CDH13: variants seen among roughly 807,000 people sequenced by gnomAD.
CDH13 encodes cadherin 13.
CDH13 carries 24 observed loss-of-function variants against 63.8 expected under a neutral mutation model. The ratio of observed to expected loss-of-function variants is 0.38; its 90% confidence interval spans 0.27 to 0.53. The LOEUF is 0.53. CDH13 is among the 20% of genes least tolerant of loss of function. The probability of loss-of-function intolerance (pLI) is 0.85; values close to 1 mark genes in which losing one functional copy is unlikely to be tolerated. For synonymous variants in CDH13, 503 were observed against 355.3 expected, an observed-to-expected ratio of 1.42 and a Z score of -4.67; for missense variants, 1,049 against 903.1, an observed-to-expected ratio of 1.16 and a Z score of -2.07.
intron 2 of CDH13, chr16:82,925,873 G>A (rs1423711209): frequency 6.6e-6 from 1 of 151,834 alleles, no homozygotes; most frequent in African/African-American, 2.4e-5. Flanking sequence ...TCTCCATGGA[G>A]TCCATCTGTT....
chr16:83,614,631 T>C (rs1188612129), intron 8 of CDH13, among the ~76,000 whole-genome samples: 1 of 152,166 alleles, frequency 6.6e-6, no homozygotes. Context: ...AGTGGGGGGT[T>C]TTATATTAAA....
intron 1 of CDH13, among the ~76,000 whole-genome samples, chr16:82,657,695 AATTGT>A (rs1029251558): frequency 2.4e-4 from 36 of 152,234 alleles, no homozygotes; most frequent in African/African-American, 6.5e-4. Context: ...GGGTAATGTA[AATTGT>A]ATTGTGTTTT....
At chr16:82,871,277 G>C (rs2040334163) in intron 2 of CDH13, among the ~76,000 whole-genome samples, 1 of 152,176 alleles carries the variant, frequency 6.6e-6, no homozygotes, top group Admixed American at 6.6e-5. Context: ...CAGGGTGGCT[G>C]GCTTTCTGGA....
At chr16:82,938,348 A>G (rs982344241) in intron 2 of CDH13, among the ~76,000 whole-genome samples, 1 of 152,354 alleles carries the variant, frequency 6.6e-6, no homozygotes, top group South Asian at 2.1e-4. Context: ...TCGGGAATAG[A>G]ACTCAGTAAA....
intron 6 of CDH13, among the ~76,000 whole-genome samples, chr16:83,390,340 T>G (rs915016527): frequency 6.6e-6 from 1 of 152,188 alleles, no homozygotes; most frequent in African/African-American, 2.4e-5. Context: ...ACCCTGCATA[T>G]GCCATAATTT....
intron 11 of CDH13, among the ~76,000 whole-genome samples, chr16:83,767,577 G>A (rs936717506): frequency 6.6e-6 from 1 of 152,070 alleles, no homozygotes; most frequent in Admixed American, 6.6e-5. Flanking sequence ...ATTCGTAATA[G>A]ACAAAAAGTG....
At chr16:83,027,507 T>G (rs1915927817) in intron 2 of CDH13, among the ~76,000 whole-genome samples, 1 of 151,292 alleles carries the variant, frequency 6.6e-6, no homozygotes, top group African/African-American at 2.4e-5. Flanking sequence ...GATGCAAGAG[T>G]GGGTGAGGTG....
chr16:83,478,370 C>T (rs1373560057), intron 6 of CDH13, among the ~76,000 whole-genome samples: 2 of 152,158 alleles, frequency 1.3e-5, no homozygotes, highest in Non-Finnish European at 2.9e-5. Flanking sequence ...GAGCTTCTCA[C>T]TCCTGGCCCA....
intron 3 of CDH13, among the ~76,000 whole-genome samples, chr16:83,050,098 C>T (rs1004818967): frequency 2.6e-5 from 4 of 152,120 alleles, no homozygotes; most frequent in African/African-American, 9.7e-5. Context: ...ACTCAGGATT[C>T]TTTACAAACA....
At chr16:82,980,525 T>G (rs1407617599) in intron 2 of CDH13, among the ~76,000 whole-genome samples, 26 of 152,248 alleles carry the variant, frequency 1.7e-4, no homozygotes, top group Non-Finnish European at 1.5e-5. Context: ...TTAAAACTAA[T>G]GCAAATGTGA....
chr16:83,303,951 A>G (rs866772524), intron 5 of CDH13, among the ~76,000 whole-genome samples: 2 of 152,188 alleles, frequency 1.3e-5, no homozygotes, highest in Non-Finnish European at 2.9e-5. Flanking sequence ...AGGGGATCTC[A>G]GACTTTGCCT....
At chr16:83,437,278 G>C (rs2072334384) in intron 6 of CDH13, among the ~76,000 whole-genome samples, 1 of 152,090 alleles carries the variant, frequency 6.6e-6, no homozygotes, top group African/African-American at 2.4e-5. Context: ...GATAATGATA[G>C]TCCTTACCTC....
At chr16:82,650,793 T>C (rs1910635643) in intron 1 of CDH13, among the ~76,000 whole-genome samples, 1 of 152,210 alleles carries the variant, frequency 6.6e-6, no homozygotes, top group Non-Finnish European at 1.5e-5. Flanking sequence ...AGGATTGATT[T>C]TGCATAGTGT....
intron 4 of CDH13, among the ~76,000 whole-genome samples, chr16:83,134,739 T>A (rs538322839): frequency 6.6e-6 from 1 of 152,356 alleles, no homozygotes; most frequent in South Asian, 2.1e-4. Context: ...TAATAAAAGC[T>A]ATGTTCACCA....
chr16:82,816,133 C>A (rs2037695870), intron 1 of CDH13, among the ~76,000 whole-genome samples: 1 of 152,112 alleles, frequency 6.6e-6, no homozygotes, highest in Non-Finnish European at 1.5e-5. Context: ...GACAGCTCCC[C>A]CAGTGACCTC....
intron 6 of CDH13, among the ~76,000 whole-genome samples, chr16:83,423,647 C>T (rs1161673551): frequency 6.6e-6 from 1 of 152,206 alleles, no homozygotes; most frequent in Non-Finnish European, 1.5e-5. Context: ...CTCCCAGAGG[C>T]AACTGCAGCA....
chr16:83,113,016 G>C (rs1307206904), intron 3 of CDH13, among the ~76,000 whole-genome samples: 1 of 152,158 alleles, frequency 6.6e-6, no homozygotes, highest in African/African-American at 2.4e-5. Flanking sequence ...AAGTTACAAG[G>C]AACGCAAAAG....
chr16:83,256,803 C>G (rs888360656), intron 5 of CDH13, among the ~76,000 whole-genome samples: 9 of 148,952 alleles, frequency 6.0e-5, no homozygotes, highest in Non-Finnish European at 1.2e-4. Context: ...CGAGATCGCG[C>G]CACTGCACTC....
chr16:83,007,768 G>A (rs541053768), intron 2 of CDH13, among the ~76,000 whole-genome samples: 221 of 151,058 alleles, frequency 1.5e-3, no homozygotes, highest in African/African-American at 5.1e-3. Context: ...GGGTGGCAGT[G>A]AGCTAAGATC....
Sources: gnomAD v4.1 joint callset for allele counts (sites outside exome capture counted in the v4.1 genomes callset) on GRCh38, gnomAD v4.1.1 for gene constraint, MANE v1.5 for transcripts, NCBI Gene and HGNC (gene_info 2026-07-23, HGNC 2026-07-21) for gene names.